ROR1: variants seen among roughly 807,000 people sequenced by gnomAD.
ROR1 encodes ROR family WNT receptor 1.
Under a neutral mutation model 78.8 loss-of-function variants are expected in ROR1, and 19 were observed. That is an observed-to-expected ratio of 0.24 (90% CI 0.17 to 0.35). The LOEUF is 0.35. Among genes scored for constraint, ROR1 ranks in the 10% least tolerant of loss-of-function variants. The pLI is 1.00. For missense variants in ROR1, 917 were observed against 1,177.8 expected, an observed-to-expected ratio of 0.78 and a Z score of 3.24; for synonymous variants, 386 against 433.6, an observed-to-expected ratio of 0.89 and a Z score of 1.36.
At chr1:64,080,095 A>G (rs949466680) in intron 4 of ROR1, among the ~76,000 whole-genome samples, 1 of 152,148 alleles carries the variant, frequency 6.6e-6, no homozygotes, top group Non-Finnish European at 1.5e-5. Flanking sequence ...TCATCATGAA[A>G]GATGTTTGCG....
chr1:64,103,337 A>G (rs1454940497), intron 4 of ROR1, among the ~76,000 whole-genome samples: 1 of 136,264 alleles, frequency 7.3e-6, no homozygotes, highest in East Asian at 1.9e-4. Flanking sequence ...AAAAGTTCAA[A>G]TGCAAAAAAA....
chr1:63,935,041 T>TTG (rs397763438), intron 1 of ROR1, among the ~76,000 whole-genome samples: 1 of 151,178 alleles, frequency 6.6e-6, no homozygotes, highest in Non-Finnish European at 1.5e-5. Flanking sequence ...TTTTTTTTTT[T>TTG]GGGTAGAGGG....
rs565120363 is a variant in ROR1, at chr1:64,135,422, G to A, written c.483-1947G>A. 2.0e-5 allele frequency among the ~76,000 whole-genome samples: 3 copies of A among 152,074 alleles called. No homozygotes were observed. The East Asian group carries it at 5.8e-4, about 29-fold the overall frequency. On this transcript the variant is annotated intron_variant, in intron 4 of 8. Coordinates refer to ENST00000371079, the MANE Select transcript of ROR1 (RefSeq NM_005012.4). ...ATTGAAGCCTTGAGAGTTTAATGTGGGGGAGAAAGAAGTGTTCTCATAATG... is the reference window on the plus strand; with the variant it reads ...ATTGAAGCCTTGAGAGTTTAATGTGAGGGAGAAAGAAGTGTTCTCATAATG...
chr1:64,053,940 T>TTTTTATTTTA, intron 4 of ROR1, among the ~76,000 whole-genome samples: 3 of 144,434 alleles, frequency 2.1e-5, no homozygotes, highest in African/African-American at 8.8e-5. Flanking sequence ...TTTGTTTTTC[T>TTTTTATTTTA]TTTTGTTTTA....
At chr1:64,046,663 G>A (rs921660255) in intron 2 of ROR1, among the ~76,000 whole-genome samples, 1 of 152,208 alleles carries the variant, frequency 6.6e-6, no homozygotes, top group African/African-American at 2.4e-5. Context: ...AACCCTGTGG[G>A]TATATGTGTG....
intron 1 of ROR1, among the ~76,000 whole-genome samples, chr1:63,951,263 C>T (rs983077281): frequency 6.6e-6 from 1 of 152,118 alleles, no homozygotes; most frequent in Admixed American, 6.5e-5. Context: ...GGCTGTTGGG[C>T]TTGTTTTCTT....
At chr1:64,090,580 C>T (rs1165678261) in intron 4 of ROR1, among the ~76,000 whole-genome samples, 2 of 152,156 alleles carry the variant, frequency 1.3e-5, no homozygotes, top group Non-Finnish European at 2.9e-5. Context: ...CTCAATGTTT[C>T]CAAGAGGAAA....
intron 1 of ROR1, among the ~76,000 whole-genome samples, chr1:63,929,808 A>G (rs1048557127): frequency 3.9e-5 from 6 of 152,136 alleles, no homozygotes; most frequent in African/African-American, 1.2e-4. Context: ...AGGAGGAAGT[A>G]TAATTAACAG....
chr1:63,873,573 A>T (rs1645265582), intron 1 of ROR1, among the ~76,000 whole-genome samples: 1 of 152,140 alleles, frequency 6.6e-6, no homozygotes, highest in South Asian at 2.1e-4. Flanking sequence ...CAGTCCATTG[A>T]TCAAGTCAAA....
chr1:64,029,604 AG>A, intron 2 of ROR1, among the ~76,000 whole-genome samples: 1 of 152,216 alleles, frequency 6.6e-6, no homozygotes, highest in South Asian at 2.1e-4. Flanking sequence ...TCTGCCTTAC[AG>A]ATGGCCACTG....
chr1:63,881,871 G>T (rs550209590), intron 1 of ROR1, among the ~76,000 whole-genome samples: 1 of 152,256 alleles, frequency 6.6e-6, no homozygotes, highest in South Asian at 2.1e-4. Context: ...AGAATTCTGA[G>T]GCTTTGTCTG....
intron 1 of ROR1, among the ~76,000 whole-genome samples, chr1:63,943,313 A>G (rs1402976002): frequency 6.6e-6 from 1 of 152,182 alleles, no homozygotes; most frequent in African/African-American, 2.4e-5. Flanking sequence ...CCTCTGTAGC[A>G]ATCCTTGAGT....
At chr1:63,974,879 C>G (rs972250262) in intron 1 of ROR1, among the ~76,000 whole-genome samples, 1 of 152,150 alleles carries the variant, frequency 6.6e-6, no homozygotes, top group Admixed American at 6.6e-5. Context: ...GGGGACAGTG[C>G]AGAACTTGGG....
chr1:64,010,361 TCTTA>T (rs940702604), intron 2 of ROR1, among the ~76,000 whole-genome samples: 8 of 150,468 alleles, frequency 5.3e-5, no homozygotes, highest in African/African-American at 2.0e-4. Context: ...AGGGTTTCTA[TCTTA>T]CTTTTTTTTT....
At chr1:64,161,875 G>T (rs1412785418) in intron 8 of ROR1, among the ~76,000 whole-genome samples, 1 of 152,094 alleles carries the variant, frequency 6.6e-6, no homozygotes, top group Non-Finnish European at 1.5e-5. Flanking sequence ...TTATTCAATT[G>T]TTTGTTTTGG....
chr1:63,977,966 T>A (rs1393508838), intron 1 of ROR1, among the ~76,000 whole-genome samples: 1 of 152,172 alleles, frequency 6.6e-6, no homozygotes, highest in Non-Finnish European at 1.5e-5. Context: ...ATTTTGTTGA[T>A]CACGATAGTC....
chr1:63,977,789 T>G (rs1646173893), intron 1 of ROR1, among the ~76,000 whole-genome samples: 1 of 152,198 alleles, frequency 6.6e-6, no homozygotes, highest in Non-Finnish European at 1.5e-5. Flanking sequence ...AGAGACACAA[T>G]TTGACTTAGT....
At chr1:64,025,784 T>C (rs1646604127) in intron 2 of ROR1, among the ~76,000 whole-genome samples, 1 of 152,168 alleles carries the variant, frequency 6.6e-6, no homozygotes, top group South Asian at 2.1e-4. Context: ...AAACCTTGTA[T>C]GTTCTCACTC....
At chr1:63,849,262 G>A (rs1645099613) in intron 1 of ROR1, among the ~76,000 whole-genome samples, 1 of 152,154 alleles carries the variant, frequency 6.6e-6, no homozygotes, top group African/African-American at 2.4e-5. Flanking sequence ...CCAAAGGCAT[G>A]TATAACAACC....
Sources: allele counts gnomAD v4.1 joint callset (sites outside exome capture counted in the v4.1 genomes callset), GRCh38; gene constraint gnomAD v4.1.1; transcripts MANE v1.5; gene names NCBI Gene and HGNC (gene_info 2026-07-23, HGNC 2026-07-21).